MIIP: variants seen among roughly 807,000 people sequenced by gnomAD.
MIIP encodes the protein migration and invasion-inhibitory protein.
Under a neutral mutation model 44.8 loss-of-function variants are expected in MIIP, and 44 were observed. The observed-to-expected ratio is 0.98, with a 90% CI of 0.77 to 1.26. The LOEUF (loss-of-function observed/expected upper bound fraction) is 1.26, where lower values mean the gene tolerates loss of function less well. Among genes scored for constraint, MIIP ranks in the 50% most tolerant of loss-of-function variants. The probability of loss-of-function intolerance (pLI) is 0.00; values close to 1 mark genes in which losing one functional copy is unlikely to be tolerated. For missense variants in MIIP, 496 were observed against 511.7 expected (o/e 0.97, Z 0.30); for synonymous variants, 225 against 218.3 (o/e 1.03, Z -0.27).
Position 12,022,268 on chromosome 1 carries a change from A to G in MIIP, c.288A>G (p.Pro96=). 1.2e-6 allele frequency: 2 copies of G among 1,613,482 alleles called. No individual in the cohort carries two copies. The highest frequency in any genetic ancestry group is 2.2e-5 in the South Asian group (2 of 91,024). The change falls in exon 3 of 10, where the codon CCA becomes CCG. Residue 96 remains proline (P), a synonymous_variant. Coordinates refer to ENST00000235332, the MANE Select transcript of MIIP (RefSeq NM_021933.4). ...DVARSGVASL[P]PAKCQHQESL... is the part of the protein sequence containing the mutation. ...CCAGATCGGGGGTGGCCTCTCTCCC[A>G]CCTGCCAAATGCCAGCACCAGGAGT...
Position 12,029,095 on chromosome 1 carries a change from G to T in MIIP, c.610G>T (p.Glu204Ter). 2 of 1,614,180 alleles carry T rather than the reference G, an allele frequency of 1.2e-6. No homozygotes were observed. The highest frequency in any genetic ancestry group is 1.1e-5 in the South Asian group (1 of 91,088). Residue 204 changes from glutamate to a stop codon, truncating the protein, a stop_gained, in exon 5 of 10, where the codon GAG (glutamate) becomes TAG (stop). Coordinates refer to ENST00000235332, the MANE Select transcript of MIIP (RefSeq NM_021933.4). LOFTEE classifies it high-confidence loss of function. Reference sequence around the variant, plus strand: ...TGAGGCCTTCTTCTCCAAGCTGCAGGAGTTTCGGGAAACCAACAAGGAGGA... The same window carrying T: ...TGAGGCCTTCTTCTCCAAGCTGCAGTAGTTTCGGGAAACCAACAAGGAGGA... ...QPEAFFSKLQ[E>*]FRETNKEECI... is the part of the protein sequence containing the mutation.
At position 12,031,821 on chromosome 1, in the gene MIIP, G is replaced by C; in HGVS notation, c.*13G>C. On this transcript the variant is annotated 3_prime_UTR_variant, in exon 10 of 10. Coordinates refer to ENST00000235332, the MANE Select transcript of MIIP (RefSeq NM_021933.4). Reference sequence around the variant, plus strand: ...GCAGAAGCCCTGAGGACTGACTCCTGGGGGAGAACAGCATTCCCGCCGCCT... The same window carrying C: ...GCAGAAGCCCTGAGGACTGACTCCTCGGGGAGAACAGCATTCCCGCCGCCT... The C allele has an allele frequency of 1.2e-6, 2 of 1,611,718 alleles. No individual in the cohort carries two copies.
At chr1:12,023,673 C>T (rs1334918308) in intron 4 of MIIP, among the ~76,000 whole-genome samples, 4 of 148,418 alleles carry the variant, frequency 2.7e-5, no homozygotes, top group East Asian at 2.0e-4. Flanking sequence ...CCACCATGCC[C>T]GGCTTTTTTT....
Position 12,028,633 on chromosome 1 carries a change from CTT to C in MIIP, c.548-399_548-398del, listed in dbSNP as rs926603151. 6.1e-5 allele frequency: 11 copies of C among 181,222 alleles called. No individual in the cohort carries two copies. In the South Asian group the frequency reaches 9.5e-4, roughly 16 times the overall value. The allele number at this position is 181,222 out of a possible 1,614,324, so 11.2% of individuals were successfully genotyped here. Reference sequence around the variant, plus strand: ...CCATACTAGGCTCTGACGCTGCTCTCTTGCTTTCTGGCAGGTATCAGCATTCA... The same window carrying C: ...CCATACTAGGCTCTGACGCTGCTCTCGCTTTCTGGCAGGTATCAGCATTCA... On this transcript the variant is annotated intron_variant, in intron 4 of 9. Transcript: ENST00000235332.
intron 4 of MIIP, among the ~76,000 whole-genome samples, chr1:12,027,799 G>T (rs1351901587): frequency 6.6e-6 from 1 of 152,162 alleles, no homozygotes; most frequent in Non-Finnish European, 1.5e-5. Flanking sequence ...CCACTGCTGT[G>T]CTCCTCCTGC....
At chr1:12,023,086 C>T (rs540402974) in intron 4 of MIIP, among the ~76,000 whole-genome samples, 169 bp downstream of exon 4, 25 of 129,696 alleles carry the variant, frequency 1.9e-4, no homozygotes, top group Non-Finnish European at 1.4e-4. Flanking sequence ...TTTTTTGAGA[C>T]GGAGTCTCAC....
At position 12,029,903 on chromosome 1, in the gene MIIP, C is replaced by T. The variant is rs373610599; in HGVS notation, c.845+9C>T. 73 of 1,612,370 alleles carry T rather than the reference C, an allele frequency of 4.5e-5. No individual in the cohort carries two copies. In the Middle Eastern group the frequency reaches 6.6e-4, roughly 15 times the overall value. On this transcript the variant is annotated intron_variant, in intron 7 of 9. Coordinates refer to ENST00000235332, the MANE Select transcript of MIIP (RefSeq NM_021933.4). ...CAGCCAGCGCACGTCAGGTGAGTGA[C>T]CAGAGTATTGGGACACCTTGGGGGA... is the stretch of plus-strand genomic sequence containing the variant.
rs1045984828 is a variant in MIIP at position 12,025,184 on chromosome 1, C to T, written c.547+2267C>T. On this transcript the variant is annotated intron_variant, in intron 4 of 9. Coordinates refer to ENST00000235332, the MANE Select transcript of MIIP (RefSeq NM_021933.4). ...GAGTGGTTCTTGTGCCTCAGCCTCCCGAGTAGCAGGTATTACAGGTGTGCG... is the reference window on the plus strand; with the variant it reads ...GAGTGGTTCTTGTGCCTCAGCCTCCTGAGTAGCAGGTATTACAGGTGTGCG... Among the ~76,000 whole-genome samples, 19 of 151,818 alleles carry T rather than the reference C, an allele frequency of 1.3e-4. No individual in the cohort carries two copies. In the South Asian group the frequency reaches 2.1e-3, roughly 17 times the overall value.
Position 12,031,967 on chromosome 1 carries a change from C to T in MIIP, c.*159C>T, listed in dbSNP as rs1220831120. ...CCAAGCTTGTCTGCTGCCTGAGTTCCAGAGAGGGAGGACCCTGGGGTGGAG... is the reference window on the plus strand; with the variant it reads ...CCAAGCTTGTCTGCTGCCTGAGTTCTAGAGAGGGAGGACCCTGGGGTGGAG... On this transcript the variant is annotated 3_prime_UTR_variant, in exon 10 of 10. Coordinates refer to ENST00000235332, the MANE Select transcript of MIIP (RefSeq NM_021933.4). 3 of 682,262 alleles carry T rather than the reference C, an allele frequency of 4.4e-6. No individual in the cohort carries two copies. The highest frequency in any genetic ancestry group is 7.5e-6 in the Non-Finnish European group (3 of 402,604). The allele number at this position is 682,262 out of a possible 1,614,324, so 42.3% of individuals were successfully genotyped here. A position where few individuals can be genotyped will look rare whatever the true frequency, so the allele number is the denominator to read the frequency against.
chr1:12,028,483 C>T (rs11589075), intron 4 of MIIP, among the ~76,000 whole-genome samples: 31,735 of 151,980 alleles, frequency 0.21, 3,533 homozygotes, highest in Non-Finnish European at 0.25. Flanking sequence ...ATGCCCACCC[C>T]GGGGCCTTTG....
chr1:12,022,093 AG>A lies in MIIP; in HGVS notation c.115-1del. ...CCTGGGTGACCCGGCCCCTCTCTCCAGTCAAGCCTGGAATCCAGCAGCAGCT... is the reference window on the plus strand; with the variant it reads ...CCTGGGTGACCCGGCCCCTCTCTCCATCAAGCCTGGAATCCAGCAGCAGCT... On this transcript the variant is annotated splice_acceptor_variant, in intron 2 of 9. Coordinates refer to ENST00000235332, the MANE Select transcript of MIIP (RefSeq NM_021933.4). LOFTEE classifies it high-confidence loss of function. 1 of 1,612,710 alleles carries A rather than the reference AG, an allele frequency of 6.2e-7. No individual in the cohort carries two copies. Among genetic ancestry groups the A allele is most frequent in the Non-Finnish European group, 8.5e-7 (1 of 1,179,338 alleles).
chr1:12,022,126 C>CA lies in MIIP; in HGVS notation c.147dup (p.Glu50ArgfsTer37). ...CTGGAATCCAGCAGCAGCTACAACT[C>CA]AGAGACTCCATCGACCCCAGAGACG... On this transcript the variant is annotated frameshift_variant, in exon 3 of 10. Transcript: ENST00000235332. LOFTEE classifies it high-confidence loss of function. The CA allele has an allele frequency of 1.2e-6, 2 of 1,614,054 alleles. No homozygotes were observed. Among genetic ancestry groups the CA allele is most frequent in the East Asian group, 2.2e-5 (1 of 44,886 alleles).
At chr1:12,021,495 G>A (rs1639974965) in intron 1 of MIIP, 150 bp from the exon 2 acceptor site, 1 of 558,404 alleles carries the variant, frequency 1.8e-6, no homozygotes, top group South Asian at 2.1e-5. Context: ...GTATGAGGTA[G>A]ATACTGTTGT....
intron 5 of MIIP, 21 bp downstream of exon 5, chr1:12,029,162 G>C: frequency 6.2e-7 from 1 of 1,613,452 alleles, no homozygotes; most frequent in Non-Finnish European, 8.5e-7. Flanking sequence ...GCGGGCGAGG[G>C]TGGGCGAGGG....
chr1:12,023,381 CTTAT>C (rs71568382), intron 4 of MIIP, among the ~76,000 whole-genome samples: 12,140 of 140,040 alleles, frequency 0.087, 780 homozygotes, highest in African/African-American at 0.19. Context: ...TCTTTGTTTT[CTTAT>C]TTATTTATTT....
chr1:12,031,111 G>A, intron 8 of MIIP, 155 bp from the exon 9 acceptor site: 2 of 869,334 alleles, frequency 2.3e-6, no homozygotes, highest in Non-Finnish European at 3.5e-6. Flanking sequence ...GATAAGAAAG[G>A]GGAGAGCTGG....
Position 12,031,921 on chromosome 1 carries a change from AGGTT to A in MIIP, c.*116_*119del. On this transcript the variant is annotated 3_prime_UTR_variant, in exon 10 of 10. Transcript: ENST00000235332. Reference sequence around the variant, plus strand: ...CGCCCAGCTCAGGCCCAGCTGTCCTAGGTTGGGCAGGTGGGTGGACCCAAGCTTG... The same window carrying A: ...CGCCCAGCTCAGGCCCAGCTGTCCTAGGGCAGGTGGGTGGACCCAAGCTTG... 1.9e-6 allele frequency: 2 copies of A among 1,078,208 alleles called. No individual in the cohort carries two copies. The highest frequency in any genetic ancestry group is 2.7e-6 in the Non-Finnish European group (2 of 741,472). The allele number at this position is 1,078,208 out of a possible 1,614,324, so 66.8% of individuals were successfully genotyped here.
intron 7 of MIIP, 52 bp downstream of exon 7, chr1:12,029,946 G>A: frequency 6.2e-7 from 1 of 1,609,444 alleles, no homozygotes; most frequent in Non-Finnish European, 8.5e-7. Flanking sequence ...TGAACCACTG[G>A]TTTTAAGAAA....
rs750508969 is a variant in MIIP at position 12,030,050 on chromosome 1, C to G, written c.868C>G (p.Leu290Val). Residue 290 changes from leucine (L) to valine (V), a missense_variant, in exon 8 of 10, where the codon CTG becomes GTG. Transcript: ENST00000235332. ...HVRVSIPLSILEPPHRYHIHR... is the reference protein window; with the variant it reads ...HVRVSIPLSIVEPPHRYHIHR... ...CAGGGTGAGCATCCCGCTGTCGATC[C>G]TGGAGCCCCCGCACCGGTACCACAT... 1 of 1,613,550 alleles carries G rather than the reference C, an allele frequency of 6.2e-7. No homozygotes were observed. The highest frequency in any genetic ancestry group is 1.1e-5 in the South Asian group (1 of 91,084).
Sources: allele counts gnomAD v4.1 joint callset (sites outside exome capture counted in the v4.1 genomes callset), GRCh38; gene constraint gnomAD v4.1.1; transcripts MANE v1.5; gene names NCBI Gene and HGNC (gene_info 2026-07-23, HGNC 2026-07-21).